Variants in FAIM2 observed in about 807,000 individuals in gnomAD.
FAIM2 encodes the protein protein lifeguard 2.
FAIM2 carries 27 observed loss-of-function variants against 47.4 expected under a neutral mutation model. The ratio of observed to expected loss-of-function variants is 0.57; its 90% confidence interval spans 0.42 to 0.78. FAIM2 has a LOEUF of 0.78. Among genes scored for constraint, FAIM2 ranks in the 30% least tolerant of loss-of-function variants. FAIM2 has a pLI of 0.00. For missense variants in FAIM2, 311 were observed against 389.4 expected (o/e 0.80, Z 1.69); for synonymous variants, 156 against 159.3 (o/e 0.98, Z 0.16).
At chr12:49,895,939 C>G (rs1222568926) in intron 5 of FAIM2, among the ~76,000 whole-genome samples, 1 of 152,234 alleles carries the variant, frequency 6.6e-6, no homozygotes, top group African/African-American at 2.4e-5. Context: ...AGCCTTCCAG[C>G]TCTCTGCCAG....
chr12:49,900,159 C>T (rs1265538805), intron 2 of FAIM2: 1 of 1,275,034 alleles, frequency 7.8e-7, no homozygotes, highest in East Asian at 5.6e-5. Context: ...ACCAGACCTT[C>T]ATTGACCCTC....
chr12:49,877,753 C>G (rs1176456638), intron 11 of FAIM2, among the ~76,000 whole-genome samples: 2 of 151,880 alleles, frequency 1.3e-5, no homozygotes, highest in South Asian at 2.1e-4. Flanking sequence ...TGTATATATA[C>G]GTGTGTATGT....
At chr12:49,879,599 T>C (rs568910392) in intron 11 of FAIM2, among the ~76,000 whole-genome samples, 1 of 151,920 alleles carries the variant, frequency 6.6e-6, no homozygotes, top group East Asian at 1.9e-4. Context: ...TTTGTGTGCA[T>C]GCGAGTGTAT....
In FAIM2 at chr12:49,903,684, A is replaced by T. The variant is rs1476320660; in HGVS notation, c.15+94T>A. ...AGGACCTTCAAACTAGGGCCAGGGG[A>T]GGATGCTTTCGTGGTCCAGAGGGCT... On this transcript the variant is annotated intron_variant, in intron 1 of 11. Transcript: ENST00000320634. 2.7e-6 allele frequency: 4 copies of T among 1,465,186 alleles called. No individual in the cohort carries two copies. In the African/African-American group the frequency reaches 5.6e-5, roughly 21 times the overall value. 90.8% of individuals were successfully genotyped at this position (1,465,186 alleles called of 1,614,324 possible).
At chr12:49,903,606 G>C (rs1362572945) in intron 1 of FAIM2, among the ~76,000 whole-genome samples, 172 bp downstream of exon 1, 1 of 152,210 alleles carries the variant, frequency 6.6e-6, no homozygotes, top group Non-Finnish European at 1.5e-5. Flanking sequence ...AGAGGCCTCG[G>C]TCCATTCCTT....
At chr12:49,880,191 T>C in intron 11 of FAIM2, among the ~76,000 whole-genome samples, 1 of 109,788 alleles carries the variant, frequency 9.1e-6, no homozygotes, top group African/African-American at 3.5e-5. Flanking sequence ...CATGTGTGTA[T>C]ATGTGCATGT....
intron 10 of FAIM2, among the ~76,000 whole-genome samples, chr12:49,887,728 C>T (rs562250845): frequency 2.0e-5 from 3 of 152,090 alleles, no homozygotes; most frequent in East Asian, 1.9e-4. Flanking sequence ...AGATGACTCT[C>T]GGTGGGCCCT....
intron 11 of FAIM2, among the ~76,000 whole-genome samples, chr12:49,886,102 G>A (rs138448554): frequency 0.01 from 1,553 of 152,296 alleles, 14 homozygotes; most frequent in Non-Finnish European, 0.016. Flanking sequence ...ACGTTCCAGC[G>A]AGGGAGGGGA....
At chr12:49,891,213 G>A (rs1946897876) in intron 5 of FAIM2, 99 bp from the exon 6 acceptor site, 1 of 1,168,882 alleles carries the variant, frequency 8.6e-7, no homozygotes, top group African/African-American at 1.5e-5. Flanking sequence ...CCACCCACAG[G>A]GCAGCCAGGA....
chr12:49,894,916 A>G (rs12301947), intron 5 of FAIM2, among the ~76,000 whole-genome samples: 2,814 of 152,238 alleles, frequency 0.018, 41 homozygotes, highest in African/African-American at 0.04. Flanking sequence ...CTGCTTCTCA[A>G]TGCTCCTATT....
chr12:49,889,990 G>A (rs779986537), intron 8 of FAIM2, 127 bp downstream of exon 8: 12 of 900,530 alleles, frequency 1.3e-5, no homozygotes, highest in Non-Finnish European at 2.0e-5. Flanking sequence ...AAAGCCTCCT[G>A]CATGCCTGAG....
intron 5 of FAIM2, among the ~76,000 whole-genome samples, chr12:49,891,474 G>A (rs1248792328): frequency 6.6e-6 from 1 of 152,278 alleles, no homozygotes; most frequent in Middle Eastern, 3.4e-3. Context: ...GAGTATCAAC[G>A]AATGTAATCC....
At chr12:49,894,061 G>C (rs297932) in intron 5 of FAIM2, among the ~76,000 whole-genome samples, 87,095 of 151,992 alleles carry the variant, frequency 0.57, 25,629 homozygotes, top group Non-Finnish European at 0.64. Flanking sequence ...AGCTTGGGAG[G>C]CTGACACCCC....
At chr12:49,881,003 C>T (rs1282151361) in intron 11 of FAIM2, among the ~76,000 whole-genome samples, 4 of 152,132 alleles carry the variant, frequency 2.6e-5, no homozygotes, top group Non-Finnish European at 5.9e-5. Flanking sequence ...CTCAGCCCTG[C>T]TTTCCTTCCA....
intron 5 of FAIM2, among the ~76,000 whole-genome samples, chr12:49,894,358 T>C (rs1336643737): frequency 6.6e-6 from 1 of 152,138 alleles, no homozygotes; most frequent in Non-Finnish European, 1.5e-5. Flanking sequence ...CCTGGGTTTC[T>C]CCTGGCCCAC....
At chr12:49,879,127 CAT>C (rs1330533111) in intron 11 of FAIM2, among the ~76,000 whole-genome samples, 1 of 120,758 alleles carries the variant, frequency 8.3e-6, no homozygotes, top group East Asian at 3.0e-4. Flanking sequence ...TGTATATGTG[CAT>C]ATCTCTGCAT....
At chr12:49,895,397 C>A (rs1390756694) in intron 5 of FAIM2, among the ~76,000 whole-genome samples, 1 of 152,110 alleles carries the variant, frequency 6.6e-6, no homozygotes, top group African/African-American at 2.4e-5. Context: ...TGTCTCCCTG[C>A]CACCACCTGC....
rs1344849067 is a variant in FAIM2 at position 49,878,388 on chromosome 12, A to G, written c.802-7735T>C. On this transcript the variant is annotated intron_variant, in intron 11 of 11. Transcript: ENST00000320634. ...TATGTGGGCATGTGCATGTGTGTATATGTGTGTGTCTGTGTGCATGTGAGT... is the reference window on the plus strand; with the variant it reads ...TATGTGGGCATGTGCATGTGTGTATGTGTGTGTGTCTGTGTGCATGTGAGT... 3.7e-3 allele frequency among the ~76,000 whole-genome samples: 72 copies of G among 19,540 alleles called. 11 individuals carry two copies. Among genetic ancestry groups the G allele is most frequent in the African/African-American group, 0.021 (63 of 3,054 alleles). 12.8% of individuals were successfully genotyped at this position (19,540 alleles called of 152,430 possible).
At chr12:49,881,360 A>C (rs1946824658) in intron 11 of FAIM2, among the ~76,000 whole-genome samples, 1 of 152,176 alleles carries the variant, frequency 6.6e-6, no homozygotes, top group Admixed American at 6.5e-5. Context: ...GAAGAGGTCT[A>C]TTCCCATTGG....
Sources: gnomAD v4.1 joint callset for allele counts (sites outside exome capture counted in the v4.1 genomes callset) on GRCh38, gnomAD v4.1.1 for gene constraint, MANE v1.5 for transcripts, NCBI Gene and HGNC (gene_info 2026-07-23, HGNC 2026-07-21) for gene names.